The following DMD variants were observed in gnomAD, a reference collection of about 807,000 sequenced individuals.
The protein encoded by DMD is mutant dystrophin.
Under a neutral mutation model 330.1 loss-of-function variants are expected in DMD, and 63 were observed. The observed-to-expected ratio is 0.19, with a 90% confidence interval of 0.16 to 0.24. DMD has a LOEUF of 0.24. DMD is among the 10% of genes least tolerant of loss of function. The pLI, the probability that DMD is intolerant of heterozygous loss-of-function variation, is 1.00. For missense variants in DMD, 3,344 were observed against 2,684.1 expected, an observed-to-expected ratio of 1.25 and a Z score of -5.43; for synonymous variants, 1,223 against 959.8, an observed-to-expected ratio of 1.27 and a Z score of -5.07.
chrX:32,584,353 G>A (rs1162442137), intron 13 of DMD, among the ~76,000 whole-genome samples: 1 of 111,576 alleles, frequency 9.0e-6, no homozygotes, highest in Non-Finnish European at 1.9e-5. Flanking sequence ...TACAACTTTG[G>A]AAAACCCTTT....
At position 32,308,317 on chromosome X, in the gene DMD, A is replaced by G. The variant is rs1394344514; in HGVS notation, c.6117+1765T>C. ...TATAGTTCTGTAATTTGATTCATGC[A>G]TATCTGTCAGGAATAAAATCAACCA... On this transcript the variant is annotated intron_variant, in intron 42 of 78. Coordinates refer to ENST00000357033, the MANE Select transcript of DMD (RefSeq NM_004006.3). 2.7e-5 allele frequency among the ~76,000 whole-genome samples: 3 copies of G among 111,594 alleles called. No homozygotes were observed. In the Admixed American group the frequency reaches 2.9e-4, roughly 11 times the overall value.
At chrX:31,299,348 T>A (rs1432830728) in intron 62 of DMD, among the ~76,000 whole-genome samples, 1 of 111,380 alleles carries the variant, frequency 9.0e-6, no homozygotes, top group Admixed American at 9.5e-5. Context: ...CTCTTTTAAA[T>A]TTGAAGGTAA....
chrX:32,976,908 G>A (rs756815056), intron 2 of DMD, among the ~76,000 whole-genome samples: 30 of 110,896 alleles, frequency 2.7e-4, no homozygotes, highest in Non-Finnish European at 5.5e-4. Flanking sequence ...ATAGTAATGG[G>A]AGTATTACAA....
At chrX:32,604,150 C>T (rs1296973765) in intron 12 of DMD, among the ~76,000 whole-genome samples, 2 of 110,136 alleles carry the variant, frequency 1.8e-5, no homozygotes. Context: ...TAATACATGA[C>T]AATAACGTGA....
intron 45 of DMD, among the ~76,000 whole-genome samples, chrX:31,955,427 T>C (rs2095236362): frequency 8.9e-6 from 1 of 112,135 alleles, no homozygotes; most frequent in South Asian, 3.7e-4. Context: ...CACTGACTTT[T>C]AGTTCTCGAT....
intron 3 of DMD, among the ~76,000 whole-genome samples, chrX:32,848,864 T>C (rs1221714300): frequency 5.4e-5 from 6 of 110,829 alleles, no homozygotes; most frequent in Non-Finnish European, 9.5e-5. Context: ...TATCTGACAA[T>C]ATATACCGAG....
At chrX:32,889,702 C>T (rs751386084) in intron 2 of DMD, among the ~76,000 whole-genome samples, 4 of 110,898 alleles carry the variant, frequency 3.6e-5, no homozygotes, top group Non-Finnish European at 7.6e-5. Context: ...GTGAGATCCA[C>T]CCCCTGCTCG....
At chrX:32,063,113 G>C (rs1048045593) in intron 44 of DMD, among the ~76,000 whole-genome samples, 2 of 109,661 alleles carry the variant, frequency 1.8e-5, no homozygotes, top group Non-Finnish European at 3.8e-5. Context: ...TGCTCAACAT[G>C]TGTGGATATA....
intron 52 of DMD, among the ~76,000 whole-genome samples, chrX:31,687,368 A>T (rs2082752005): frequency 1.8e-5 from 2 of 111,321 alleles, no homozygotes; most frequent in African/African-American, 6.5e-5. Context: ...GGCTTCTGGG[A>T]TTTCTGAGTC....
chrX:31,711,434 C>T lies in DMD; in HGVS notation c.7660+18197G>A, dbSNP rs769652321. Among the ~76,000 whole-genome samples, 106 of 111,843 alleles carry T rather than the reference C, an allele frequency of 9.5e-4. 1 individual carries two copies. Among genetic ancestry groups the T allele is most frequent in the Non-Finnish European group, 1.7e-3 (92 of 53,119 alleles). On this transcript the variant is annotated intron_variant, in intron 52 of 78. Coordinates refer to ENST00000357033, the MANE Select transcript of DMD (RefSeq NM_004006.3). ...ATCTCCGGTTTTTAATTGGCAAGAC[C>T]TTCCCAGTATGCTCTACAAATCTTT...
chrX:32,490,695 C>A (rs979505708), intron 20 of DMD, among the ~76,000 whole-genome samples: 2 of 111,539 alleles, frequency 1.8e-5, no homozygotes, highest in African/African-American at 6.5e-5. Flanking sequence ...TCTCACTGAT[C>A]CTTTCTGGAC....
chrX:32,478,706 A>G (rs754235049), intron 21 of DMD, among the ~76,000 whole-genome samples: 1 of 111,702 alleles, frequency 9.0e-6, no homozygotes, highest in Non-Finnish European at 1.9e-5. Context: ...TCAATATTCT[A>G]TCCTCCAGTC....
At chrX:31,839,447 G>T (rs1297772575) in intron 48 of DMD, among the ~76,000 whole-genome samples, 1 of 111,800 alleles carries the variant, frequency 8.9e-6, no homozygotes, top group South Asian at 3.7e-4. Context: ...ATTTGTTCAC[G>T]CAGACAGTCG....
rs142131640 is a variant in DMD, at chrX:31,662,305, T to G, written c.7873-4161A>C. On this transcript the variant is annotated intron_variant, in intron 53 of 78. Coordinates refer to ENST00000357033, the MANE Select transcript of DMD (RefSeq NM_004006.3). The stretch of plus-strand genomic sequence containing the variant: ...TTAATCATCATCAGCATCAGCATCA[T>G]CATCATCATTACTACTGCTAGCACA... 3.2e-3 allele frequency among the ~76,000 whole-genome samples: 357 copies of G among 111,651 alleles called. 3 individuals are homozygous for G. Among genetic ancestry groups the G allele is most frequent in the African/African-American group, 0.011 (332 of 30,789 alleles).
At chrX:32,992,939 A>G (rs994348776) in intron 2 of DMD, among the ~76,000 whole-genome samples, 6 of 107,226 alleles carry the variant, frequency 5.6e-5, no homozygotes, top group Non-Finnish European at 1.2e-4. Context: ...TGTCTATTTT[A>G]TATTGAATTT....
rs1290785255 is a variant in DMD, at chrX:31,121,756, G to GTAAACTCTTACTGTC, written c.*148_*162dup. On this transcript the variant is annotated 3_prime_UTR_variant, in exon 79 of 79. Coordinates refer to ENST00000357033, the MANE Select transcript of DMD (RefSeq NM_004006.3). ...TCACAAAAATATAGATTTATTTCTT[G>GTAAACTCTTACTGTC]TAAACTCTTACTGTCTAATCCTCTT... The GTAAACTCTTACTGTC allele has an allele frequency of 1.1e-5, 8 of 760,015 alleles. No individual in the cohort carries two copies. The Admixed American group carries it at 1.4e-4, about 13-fold the overall frequency. The allele number at this position is 760,015 out of a possible 1,213,427, so 62.6% of individuals were successfully genotyped here. A position where few individuals can be genotyped will look rare whatever the true frequency, so the allele number is the denominator to read the frequency against.
chrX:32,511,466 G>A lies in DMD; in HGVS notation c.2292+6542C>T, dbSNP rs761671186. 1.0e-4 allele frequency among the ~76,000 whole-genome samples: 10 copies of A among 97,651 alleles called. No homozygotes were observed. In the South Asian group the frequency reaches 2.7e-3, roughly 26 times the overall value. The allele number at this position is 97,651 out of a possible 115,157, so 84.8% of individuals were successfully genotyped here. Reference sequence around the variant, plus strand: ...GAACCCGGGAGACAGAAGTTGCAGTGAGCCAAGATTGCGCCACTGCACTCC... The same window carrying A: ...GAACCCGGGAGACAGAAGTTGCAGTAAGCCAAGATTGCGCCACTGCACTCC... On this transcript the variant is annotated intron_variant, in intron 18 of 78. Coordinates refer to ENST00000357033, the MANE Select transcript of DMD (RefSeq NM_004006.3).
intron 17 of DMD, among the ~76,000 whole-genome samples, chrX:32,531,857 G>A: frequency 9.0e-6 from 1 of 111,482 alleles, no homozygotes; most frequent in Non-Finnish European, 1.9e-5. Context: ...GATTATATGA[G>A]AATTTGATTG....
At chrX:32,978,297 T>A in intron 2 of DMD, among the ~76,000 whole-genome samples, 1 of 111,767 alleles carries the variant, frequency 8.9e-6, no homozygotes, top group Non-Finnish European at 1.9e-5. Flanking sequence ...CTTTGCTATA[T>A]AGCTGCCTTG....
Sources: gnomAD v4.1 joint callset for allele counts (sites outside exome capture counted in the v4.1 genomes callset) on GRCh38, gnomAD v4.1.1 for gene constraint, MANE v1.5 for transcripts, NCBI Gene and HGNC (gene_info 2026-07-23, HGNC 2026-07-21) for gene names.